GLT1D1: variants seen among roughly 807,000 people sequenced by gnomAD.
GLT1D1 encodes glycosyltransferase 1 domain-containing protein 1.
A neutral mutation model predicts 28.7 loss-of-function variants in GLT1D1; 21 were observed. That is an observed-to-expected ratio of 0.73 (90% confidence interval 0.52 to 1.05). The LOEUF (loss-of-function observed/expected upper bound fraction) is 1.05. GLT1D1 is among the 50% of genes least tolerant of loss of function. The probability of loss-of-function intolerance (pLI) is 0.00; values close to 1 mark genes in which losing one functional copy is unlikely to be tolerated. For missense variants in GLT1D1, 343 were observed against 330.6 expected, an observed-to-expected ratio of 1.04 and a Z score of -0.29; for synonymous variants, 147 against 124.8, an observed-to-expected ratio of 1.18 and a Z score of -1.19.
chr12:128,931,939 AC>A (rs975915013), intron 4 of GLT1D1, among the ~76,000 whole-genome samples: 178 of 152,220 alleles, frequency 1.2e-3, no homozygotes, highest in African/African-American at 4.2e-3. Context: ...ACACACACAC[AC>A]AACGTTGGCC....
chr12:128,956,059 T>C (rs1453428045), intron 6 of GLT1D1, among the ~76,000 whole-genome samples: 2 of 149,276 alleles, frequency 1.3e-5, no homozygotes, highest in Non-Finnish European at 3.0e-5. Flanking sequence ...CTCGGGAGGC[T>C]GAGGCAGGAG....
chr12:128,858,973 A>C (rs1956294775), intron 1 of GLT1D1, among the ~76,000 whole-genome samples: 2 of 152,158 alleles, frequency 1.3e-5, no homozygotes, highest in Admixed American at 6.6e-5. Context: ...TCCTCCCCGC[A>C]ACCCCCATGC....
chr12:128,928,493 C>T (rs1873515147), intron 4 of GLT1D1, among the ~76,000 whole-genome samples: 1 of 152,180 alleles, frequency 6.6e-6, no homozygotes, highest in Non-Finnish European at 1.5e-5. Context: ...TGTGGCTGCA[C>T]TGGTCATCTC....
At chr12:128,899,400 C>A (rs916662853) in intron 4 of GLT1D1, 113 bp downstream of exon 4, 6 of 845,156 alleles carry the variant, frequency 7.1e-6, no homozygotes, top group African/African-American at 1.7e-5. Flanking sequence ...GTGCCTGTTG[C>A]GGCCACAATA....
chr12:128,886,649 T>C lies in GLT1D1; in HGVS notation c.218-1990T>C, dbSNP rs369017508. Among the ~76,000 whole-genome samples the C allele has an allele frequency of 3.3e-5, 5 of 152,272 alleles. 1 individual carries two copies. The East Asian group carries it at 7.8e-4, about 24-fold the overall frequency. On this transcript the variant is annotated intron_variant, in intron 2 of 7. Transcript: ENST00000281703. The stretch of plus-strand genomic sequence containing the variant: ...CAGGCTGGTGAGGTCTTCCTCACTC[T>C]GAACTTGATTCTCTGGCCTCCCTCT...
At chr12:128,944,605 AT>A (rs1382904062) in intron 4 of GLT1D1, 2 of 742,188 alleles carry the variant, frequency 2.7e-6, no homozygotes, top group African/African-American at 3.5e-5. Flanking sequence ...CTCAAAGGAC[AT>A]ATTCAGGTTA....
intron 2 of GLT1D1, among the ~76,000 whole-genome samples, chr12:128,881,548 AAAAAAAAAAAAAAATAT>A (rs1404199247): frequency 5.9e-4 from 46 of 77,678 alleles, no homozygotes; most frequent in South Asian, 4.5e-3. Flanking sequence ...AAAAAAAAAA[AAAAAAAAAAAAAAATAT>A]ATATATATAT....
intron 1 of GLT1D1, among the ~76,000 whole-genome samples, chr12:128,856,314 G>A (rs574736157): frequency 1.3e-5 from 2 of 152,068 alleles, no homozygotes; most frequent in African/African-American, 4.8e-5. Context: ...ATCTTGTGCC[G>A]ACCTCCTATC....
intron 4 of GLT1D1, chr12:128,944,180 A>C (rs960260879): frequency 2.5e-6 from 1 of 408,144 alleles, no homozygotes; most frequent in Non-Finnish European, 4.7e-6. Context: ...GAATTCATAC[A>C]TACTGGAATT....
chr12:128,936,073 G>A (rs543964550), intron 4 of GLT1D1, among the ~76,000 whole-genome samples: 12 of 152,238 alleles, frequency 7.9e-5, no homozygotes, highest in Middle Eastern at 6.8e-3. Context: ...TTTGCAGCGG[G>A]GATTCGATGA....
chr12:128,944,339 A>T, intron 4 of GLT1D1: 1 of 777,344 alleles, frequency 1.3e-6, no homozygotes, highest in East Asian at 2.9e-5. Flanking sequence ...CCACAGGGCC[A>T]AATCTTGTTG....
rs369383184 is a variant in GLT1D1, at chr12:128,917,779, C to T, written c.375+18492C>T. ...AATCGAAACCACAATGAGATAACAT[C>T]GCACATCAGTCAGAATGGCGATTAT... On this transcript the variant is annotated intron_variant, in intron 4 of 7. Coordinates refer to ENST00000281703, the MANE Select transcript of GLT1D1 (RefSeq NM_144669.3). Among the ~76,000 whole-genome samples the T allele has an allele frequency of 9.9e-5, 15 of 152,280 alleles. No homozygotes were observed. In the East Asian group the frequency reaches 2.1e-3, roughly 22 times the overall value.
At chr12:128,941,138 T>G (rs929858104) in intron 4 of GLT1D1, among the ~76,000 whole-genome samples, 8 of 152,206 alleles carry the variant, frequency 5.3e-5, no homozygotes, top group African/African-American at 1.9e-4. Flanking sequence ...AAGCTCACCC[T>G]TGTTGCTGCC....
At chr12:128,912,665 T>G (rs866308988) in intron 4 of GLT1D1, among the ~76,000 whole-genome samples, 42 of 147,952 alleles carry the variant, frequency 2.8e-4, no homozygotes, top group Middle Eastern at 3.4e-3. Flanking sequence ...AATGGCTACT[T>G]TTTTTTTTCT....
rs761287278 is a variant in GLT1D1 at position 128,983,102 on chromosome 12, C to T, written c.*12C>T. ...GCACTGAAGATTGAGGGCCCCGCCTCATCAGACACCTGCTCTCTGACACAC... is the reference window on the plus strand; with the variant it reads ...GCACTGAAGATTGAGGGCCCCGCCTTATCAGACACCTGCTCTCTGACACAC... On this transcript the variant is annotated 3_prime_UTR_variant, in exon 8 of 8. Coordinates refer to ENST00000281703, the MANE Select transcript of GLT1D1 (RefSeq NM_144669.3). The surrounding 1 kb of genome is among the most constrained non-coding windows in gnomAD (Gnocchi z 4.7). The T allele has an allele frequency of 6.5e-5, 104 of 1,611,728 alleles. No homozygotes were observed. The highest frequency in any genetic ancestry group is 4.8e-5 in the Non-Finnish European group (57 of 1,178,872).
intron 7 of GLT1D1, among the ~76,000 whole-genome samples, chr12:128,975,084 G>A (rs1051257981): frequency 1.3e-5 from 2 of 152,098 alleles, no homozygotes; most frequent in Non-Finnish European, 2.9e-5. Flanking sequence ...AGACTCCCAC[G>A]CTCCGTCACT....
At chr12:128,943,862 T>A (rs1875673406) in intron 4 of GLT1D1, among the ~76,000 whole-genome samples, 1 of 152,272 alleles carries the variant, frequency 6.6e-6, no homozygotes, top group Non-Finnish European at 1.5e-5. Context: ...GGCATCGATC[T>A]GTGCAAACAT....
intron 4 of GLT1D1, chr12:128,930,163 T>C (rs531431168): frequency 6.6e-6 from 1 of 152,334 alleles, no homozygotes; most frequent in Non-Finnish European, 1.5e-5. Flanking sequence ...TGCTAATTCA[T>C]GTTAAGTCCC....
chr12:128,941,569 C>CTTTTT (rs550204231), intron 4 of GLT1D1, among the ~76,000 whole-genome samples: 25 of 107,572 alleles, frequency 2.3e-4, no homozygotes, highest in African/African-American at 5.2e-4. Context: ...CTCTCTTTCT[C>CTTTTT]TTTTTTTTTT....
Sources: allele counts gnomAD v4.1 joint callset (sites outside exome capture counted in the v4.1 genomes callset), GRCh38; gene constraint gnomAD v4.1.1; non-coding constraint Gnocchi (gnomAD v3.1); transcripts MANE v1.5; gene names NCBI Gene and HGNC (gene_info 2026-07-23, HGNC 2026-07-21).